The following ABR variants were observed in gnomAD, a reference collection of about 807,000 sequenced individuals.
The protein encoded by ABR is ABR activator of RhoGEF and GTPase.
Under a neutral mutation model 107.2 loss-of-function variants are expected in ABR, and 35 were observed. The observed-to-expected ratio is 0.33, with a 90% CI of 0.25 to 0.43. The LOEUF is 0.43. Ranked by LOEUF, ABR falls within the 20% of genes least tolerant of loss-of-function variation. The probability of loss-of-function intolerance (pLI) is 1.00; values close to 1 mark genes in which losing one functional copy is unlikely to be tolerated. For missense variants in ABR, 815 were observed against 1,115.2 expected, an observed-to-expected ratio of 0.73 and a Z score of 3.83; for synonymous variants, 498 against 462.0, an observed-to-expected ratio of 1.08 and a Z score of -1.00.
intron 6 of ABR, among the ~76,000 whole-genome samples, chr17:1,075,742 A>G (rs28639422): frequency 6.6e-6 from 1 of 152,180 alleles, no homozygotes; most frequent in Non-Finnish European, 1.5e-5. Context: ...TAATTTTTTT[A>G]AAAATATAGA....
chr17:1,010,392 T>C lies in ABR; in HGVS notation c.2236+337A>G. ...CCTATGGCTTAAGCCAGCCTCCTCCTTGGTTCTGGGATGCTGGCTTCTGGC... is the reference window on the plus strand; with the variant it reads ...CCTATGGCTTAAGCCAGCCTCCTCCCTGGTTCTGGGATGCTGGCTTCTGGC... On this transcript the variant is annotated intron_variant, in intron 20 of 22. Coordinates refer to ENST00000302538, the MANE Select transcript of ABR (RefSeq NM_021962.5). The surrounding 1 kb of genome is among the most constrained non-coding windows in gnomAD (Gnocchi z 4.1). 3.2e-6 allele frequency: 1 copy of C among 316,418 alleles called. No homozygotes were observed. The highest frequency in any genetic ancestry group is 4.2e-5 in the South Asian group (1 of 23,580). 19.6% of individuals were successfully genotyped at this position (316,418 alleles called of 1,614,324 possible). A position where few individuals can be genotyped will look rare whatever the true frequency, so the allele number is the denominator to read the frequency against.
intron 1 of ABR, among the ~76,000 whole-genome samples, chr17:1,215,014 G>A (rs893787179): frequency 2.0e-5 from 3 of 151,882 alleles, no homozygotes; most frequent in African/African-American, 7.3e-5. Context: ...GAGTCCAGGT[G>A]TTTAAGACCA....
rs566929536 is a variant in ABR, at chr17:1,046,525, T to A, written c.1791+3525A>T. On this transcript the variant is annotated intron_variant, in intron 16 of 22. Coordinates refer to ENST00000302538, the MANE Select transcript of ABR (RefSeq NM_021962.5). ...ACCTCGTGATCAGCCCACCTCGGCC[T>A]CCTGCTCTTTCCCGCACGTGCTCCT... 3.5e-4 allele frequency among the ~76,000 whole-genome samples: 53 copies of A among 152,328 alleles called. 1 individual carries two copies. The highest frequency in any genetic ancestry group is 1.2e-3 in the African/African-American group (51 of 41,580).
intron 3 of ABR, among the ~76,000 whole-genome samples, chr17:1,100,416 T>C (rs534652608): frequency 2.9e-4 from 44 of 152,336 alleles, no homozygotes; most frequent in South Asian, 1.0e-3. Flanking sequence ...GGTGTGCTTC[T>C]CCTGCCTTTT....
chr17:1,132,936 G>A (rs548155298), intron 1 of ABR, among the ~76,000 whole-genome samples: 23 of 152,078 alleles, frequency 1.5e-4, no homozygotes, highest in Non-Finnish European at 2.6e-4. Context: ...AACTCTTGGA[G>A]GCTGCCTATA....
intron 16 of ABR, among the ~76,000 whole-genome samples, chr17:1,034,448 G>A (rs566851081): frequency 6.6e-6 from 1 of 152,168 alleles, no homozygotes; most frequent in South Asian, 2.1e-4. Flanking sequence ...CACCTACTAG[G>A]CACCACGCCC....
chr17:1,216,051 G>GTCC (rs1441504829), intron 1 of ABR, among the ~76,000 whole-genome samples: 2 of 150,322 alleles, frequency 1.3e-5, no homozygotes, highest in Non-Finnish European at 3.0e-5. Context: ...AGGCCGCAGG[G>GTCC]TCCTCTGCCT....
rs549926163 is a variant in ABR at position 1,014,863 on chromosome 17, C to A, written c.1792-1699G>T. Among the ~76,000 whole-genome samples the A allele has an allele frequency of 5.9e-5, 9 of 151,892 alleles. No individual in the cohort carries two copies. In the East Asian group the frequency reaches 1.2e-3, roughly 20 times the overall value. Reference sequence around the variant, plus strand: ...TCCGTCTCAAAAAAAACAACAACAACAAAAAACTACACAAACAAGCTCTTC... The same window carrying A: ...TCCGTCTCAAAAAAAACAACAACAAAAAAAAACTACACAAACAAGCTCTTC... On this transcript the variant is annotated intron_variant, in intron 16 of 22. Coordinates refer to ENST00000302538, the MANE Select transcript of ABR (RefSeq NM_021962.5).
intron 2 of ABR, among the ~76,000 whole-genome samples, chr17:1,102,937 T>C (rs1228385289): frequency 6.6e-6 from 1 of 152,142 alleles, no homozygotes; most frequent in African/African-American, 2.4e-5. Flanking sequence ...CTCAAACTCC[T>C]GACCTCAGGT....
intron 16 of ABR, among the ~76,000 whole-genome samples, chr17:1,038,919 G>A (rs1389593001): frequency 6.6e-6 from 1 of 152,258 alleles, no homozygotes; most frequent in African/African-American, 2.4e-5. Flanking sequence ...GCCTCCGCCA[G>A]CAGGGAGGTT....
intron 16 of ABR, among the ~76,000 whole-genome samples, chr17:1,046,787 A>G (rs1471814053): frequency 6.6e-6 from 1 of 152,204 alleles, no homozygotes; most frequent in Non-Finnish European, 1.5e-5. Context: ...TGCCTTGGCC[A>G]AGGTACTTAA....
intron 1 of ABR, among the ~76,000 whole-genome samples, chr17:1,151,383 A>G (rs1292379719): frequency 1.3e-5 from 2 of 152,090 alleles, no homozygotes; most frequent in Admixed American, 6.6e-5. Context: ...GAGGGCCCCA[A>G]GCAAAAATCC....
intron 16 of ABR, among the ~76,000 whole-genome samples, chr17:1,044,650 CA>C (rs3031691): frequency 0.54 from 78,329 of 144,622 alleles, 21,691 homozygotes; most frequent in East Asian, 0.82. Context: ...GACCCCATCT[CA>C]AAAAAAAAAA....
intron 1 of ABR, among the ~76,000 whole-genome samples, chr17:1,220,833 G>T (rs1272217663): frequency 6.6e-6 from 1 of 152,112 alleles, no homozygotes; most frequent in Non-Finnish European, 1.5e-5. Flanking sequence ...AACTTATCGA[G>T]TGCCGGCCAT....
chr17:1,179,999 G>A (rs1276070153), upstream of ABR: 3 of 273,244 alleles, frequency 1.1e-5, no homozygotes, highest in African/African-American at 7.1e-5. This position sits in a 1 kb window ranked among gnomAD's most constrained non-coding sequence, Gnocchi z 4.9. Flanking sequence ...CGGGGGGCGG[G>A]GCGGGGGTGG....
intron 1 of ABR, among the ~76,000 whole-genome samples, chr17:1,193,896 G>A (rs775450230): frequency 1.5e-4 from 23 of 151,660 alleles, no homozygotes; most frequent in East Asian, 9.9e-4. Flanking sequence ...GGGTTTCACC[G>A]TGTTAGCCAG....
chr17:1,131,190 C>A (rs2039813946), intron 1 of ABR, among the ~76,000 whole-genome samples: 1 of 122,634 alleles, frequency 8.2e-6, no homozygotes, highest in Non-Finnish European at 1.7e-5. Context: ...CCTTTGCACA[C>A]CAAATGCAGT....
intron 1 of ABR, among the ~76,000 whole-genome samples, chr17:1,142,510 G>A (rs910216283): frequency 2.0e-5 from 3 of 151,840 alleles, no homozygotes; most frequent in Admixed American, 1.3e-4. Context: ...GCTTGAACCC[G>A]GGAGGCGGAT....
At chr17:1,053,662 A>G (rs2032852970) in intron 14 of ABR, among the ~76,000 whole-genome samples, 1 of 149,178 alleles carries the variant, frequency 6.7e-6, no homozygotes, top group South Asian at 2.1e-4. Context: ...TGAGTGGGTC[A>G]GGGGTGGCGG....
Sources: gnomAD v4.1 joint callset for allele counts (sites outside exome capture counted in the v4.1 genomes callset) on GRCh38, gnomAD v4.1.1 for gene constraint, Gnocchi (gnomAD v3.1) non-coding constraint, MANE v1.5 for transcripts, NCBI Gene and HGNC (gene_info 2026-07-23, HGNC 2026-07-21) for gene names.